NLRX1: variants seen among roughly 807,000 people sequenced by gnomAD.
NLRX1 encodes NLR family member X1.
In NLRX1, 67 loss-of-function variants were observed where a neutral mutation model predicts 74.2. That is an observed-to-expected ratio of 0.90 (90% confidence interval 0.74 to 1.11). NLRX1 has a LOEUF of 1.11. Ranked by LOEUF, NLRX1 falls within the 50% of genes least tolerant of loss-of-function variation. The pLI is 0.00. For synonymous variants in NLRX1, 506 were observed against 559.1 expected, an observed-to-expected ratio of 0.91 and a Z score of 1.34; for missense variants, 1,191 against 1,305.4, an observed-to-expected ratio of 0.91 and a Z score of 1.35.
Position 119,173,513 on chromosome 11 carries a change from G to A in NLRX1, c.264G>A (p.Glu88=), listed in dbSNP as rs780900893. 1 of 1,614,062 alleles carries A rather than the reference G, an allele frequency of 6.2e-7. No homozygotes were observed. The highest frequency in any genetic ancestry group is 8.5e-7 in the Non-Finnish European group (1 of 1,180,020). ...AGCGGCACCGCCGGAACCTGGCTGAGTGGTTCAGCCGGCTGCCCAGGGAGG... is the reference window on the plus strand; with the variant it reads ...AGCGGCACCGCCGGAACCTGGCTGAATGGTTCAGCCGGCTGCCCAGGGAGG... ...AIQRHRRNLA[E]WFSRLPREER... Residue 88 remains glutamate (E), a synonymous_variant, in exon 5 of 10, where the codon GAG becomes GAA. Transcript: ENST00000409109. This position sits in a 1 kb window ranked among gnomAD's most constrained non-coding sequence, Gnocchi z 4.0.
intron 6 of NLRX1, among the ~76,000 whole-genome samples, chr11:119,177,236 C>A (rs1423513946): frequency 6.6e-6 from 1 of 151,862 alleles, no homozygotes; most frequent in Non-Finnish European, 1.5e-5. Context: ...CACCTGCCAC[C>A]ATGCCCGGCT....
chr11:119,182,390 C>G, intron 9 of NLRX1, 45 bp downstream of exon 9: 1 of 1,585,442 alleles, frequency 6.3e-7, no homozygotes, highest in Non-Finnish European at 8.6e-7. Context: ...CTTCAGACTA[C>G]TTCCCTCTCT....
chr11:119,171,478 G>A lies in NLRX1; in HGVS notation c.70+5G>A. On this transcript the variant is annotated splice_donor_5th_base_variant and intron_variant, in intron 2 of 9. Coordinates refer to ENST00000409109, the MANE Select transcript of NLRX1 (RefSeq NM_001282144.2). ...GAAGAGCACTCCAGCGACCAGGTGA[G>A]CAGGAAGCAGGGGTTTCTGTTTTTA... is the stretch of plus-strand genomic sequence containing the variant. The A allele has an allele frequency of 6.2e-7, 1 of 1,605,736 alleles. No individual in the cohort carries two copies. The highest frequency in any genetic ancestry group is 8.5e-7 in the Non-Finnish European group (1 of 1,172,462).
chr11:119,174,718 C>A lies in NLRX1; in HGVS notation c.1115C>A (p.Ser372Tyr), dbSNP rs1948650702. The A allele has an allele frequency of 1.9e-6, 3 of 1,613,958 alleles. 1 individual carries two copies. Residue 372 changes from serine (S) to tyrosine (Y), a missense_variant, in exon 6 of 10, where the codon TCC becomes TAC. By Grantham distance (144) the Ser-to-Tyr change is moderately radical. Transcript: ENST00000409109. ...ATAGCCGCTGCCTGCTTCCTGCCGT[C>A]CTATTGCTGGCTCGTTTGTGCCACC... ...HQIAAACFLP[S>Y]YCWLVCATLH...
At chr11:119,181,738 T>G (rs1948840962) in intron 8 of NLRX1, among the ~76,000 whole-genome samples, 1 of 149,882 alleles carries the variant, frequency 6.7e-6, no homozygotes, top group African/African-American at 2.5e-5. Context: ...GATAGGGGAG[T>G]CAGAGGGGAG....
In NLRX1 at chr11:119,183,165, A is replaced by T. The variant is rs753084586; in HGVS notation, c.2654A>T (p.Asp885Val). The T allele has an allele frequency of 5.6e-6, 9 of 1,614,040 alleles. No individual in the cohort carries two copies. Among genetic ancestry groups the T allele is most frequent in the Middle Eastern group, 1.6e-4 (1 of 6,062 alleles). Residue 885 changes from aspartate (D) to valine (V), a missense_variant, in exon 10 of 10, where the codon GAC (aspartate) becomes GTC (valine). Coordinates refer to ENST00000409109, the MANE Select transcript of NLRX1 (RefSeq NM_001282144.2). This position sits in a 1 kb window ranked among gnomAD's most constrained non-coding sequence, Gnocchi z 5.7. ...TCAGAGGGCCGCCAGGTCTTGCGAG[A>T]CTTGGGGGGTGCTGCTGAAGGTGGT... ...LSSEGRQVLR[D>V]LGGAAEGGAR...
rs755986893 is a variant in NLRX1 at position 119,179,795 on chromosome 11, G to A, written c.1774G>A (p.Asp592Asn). Residue 592 changes from aspartate (D) to asparagine (N), a missense_variant, in exon 7 of 10, where the codon GAT (aspartate) becomes AAT (asparagine). Asp to Asn is a conservative substitution (Grantham distance 23, BLOSUM62 1). Transcript: ENST00000409109. ...MFREEDYYND[D>N]VLDQMGASIL... ...TCGAGAGGAGGACTACTACAACGAT[G>A]ATGTTCTGGACCAGATGGGCGCCAG... 1.9e-6 allele frequency: 3 copies of A among 1,614,220 alleles called. No individual in the cohort carries two copies. Among genetic ancestry groups the A allele is most frequent in the South Asian group, 1.1e-5 (1 of 91,074 alleles).
rs1377423206 is a variant in NLRX1 at position 119,169,203 on chromosome 11, G to C, written c.-148G>C. 1 of 152,630 alleles carries C rather than the reference G, an allele frequency of 6.6e-6. No individual in the cohort carries two copies. Among genetic ancestry groups the C allele is most frequent in the Non-Finnish European group, 1.5e-5 (1 of 68,378 alleles). The allele number at this position is 152,630 out of a possible 1,614,324, so 9.5% of individuals were successfully genotyped here. A position where few individuals can be genotyped will look rare whatever the true frequency, so the allele number is the denominator to read the frequency against. ...TGGGCGCTGAATGGCGGGCGTTCTG[G>C]CAAGTCTCCCCCTGCGTTCCCGAGG... On this transcript the variant is annotated 5_prime_UTR_variant, in exon 1 of 10. Transcript: ENST00000409109.
rs1948584516 is a variant in NLRX1, at chr11:119,172,771, G to A, written c.141-130G>A. The A allele has an allele frequency of 5.6e-6, 4 of 709,356 alleles. No individual in the cohort carries two copies. In the East Asian group the frequency reaches 7.9e-5, roughly 14 times the overall value. The allele number at this position is 709,356 out of a possible 1,614,324, so 43.9% of individuals were successfully genotyped here. ...GAGAGTCAGACAAGCCTCTAAACTT[G>A]GGGGTCCAGTGTGGGGCCTTTATCT... On this transcript the variant is annotated intron_variant, in intron 3 of 9. Transcript: ENST00000409109.
In NLRX1 at chr11:119,180,151, A is replaced by C. The variant is rs74950586; in HGVS notation, c.2130A>C (p.Pro710=). The C allele has an allele frequency of 2.1e-3, 3,345 of 1,613,332 alleles. 49 individuals are homozygous for C. In the African/African-American group the frequency reaches 0.033, roughly 16 times the overall value. ...ACCTGGCAGGTGTGCGCATGACACC[A>C]GTCAAGTGCACAGTGGTGGCAGCTG... is the stretch of plus-strand genomic sequence containing the variant. ...QLNLAGVRMT[P]VKCTVVAAVL... is the part of the protein sequence containing the mutation. The change falls in exon 7 of 10, where the codon CCA becomes CCC. Residue 710 remains proline, a synonymous_variant. Coordinates refer to ENST00000409109, the MANE Select transcript of NLRX1 (RefSeq NM_001282144.2).
At chr11:119,169,618 G>A (rs1948492363) in intron 1 of NLRX1, among the ~76,000 whole-genome samples, 2 of 152,224 alleles carry the variant, frequency 1.3e-5, no homozygotes. Flanking sequence ...GTGCCAAATA[G>A]GGGCACATTC....
At chr11:119,177,136 C>T (rs1592330114) in intron 6 of NLRX1, among the ~76,000 whole-genome samples, 1 of 151,986 alleles carries the variant, frequency 6.6e-6, no homozygotes, top group South Asian at 2.1e-4. Context: ...GGCTGGAGTG[C>T]AGTGGCACCG....
At position 119,173,994 on chromosome 11, in the gene NLRX1, C is replaced by T; in HGVS notation, c.745C>T (p.Leu249Phe). 6.2e-7 allele frequency: 1 copy of T among 1,614,168 alleles called. No individual in the cohort carries two copies. Among genetic ancestry groups the T allele is most frequent in the Non-Finnish European group, 8.5e-7 (1 of 1,180,034 alleles). The change falls in exon 5 of 10, where the codon CTC (leucine) becomes TTC (phenylalanine). Residue 249 changes from leucine to phenylalanine, a missense_variant. Physicochemically the swap from Leu to Phe is conservative, Grantham distance 22 (BLOSUM62 0). Transcript: ENST00000409109. The surrounding 1 kb of genome is among the most constrained non-coding windows in gnomAD (Gnocchi z 4.0). ...FVLHGLEHLN[L>F]DFRLAGTGLC... ...GCTCCATGGCTTAGAGCATCTCAAC[C>T]TCGACTTCCGGCTGGCAGGCACGGG...
At chr11:119,177,862 C>T (rs918567141) in intron 6 of NLRX1, 2 of 152,196 alleles carry the variant, frequency 1.3e-5, no homozygotes, top group Admixed American at 6.5e-5. Context: ...CCCAAGCCCT[C>T]TTGGAGGGAG....
At chr11:119,176,857 A>C (rs1376835389) in intron 6 of NLRX1, among the ~76,000 whole-genome samples, 3 of 152,162 alleles carry the variant, frequency 2.0e-5, no homozygotes, top group Admixed American at 6.5e-5. Context: ...GCACCAAAGC[A>C]TAAGGGCTAA....
chr11:119,168,337 C>G (rs1948453834), upstream of NLRX1: 1 of 152,288 alleles, frequency 6.6e-6, no homozygotes, highest in African/African-American at 2.4e-5. Flanking sequence ...ATTCTTCCTT[C>G]TTTCTTAACC....
Position 119,182,240 on chromosome 11 carries a change from A to G in NLRX1, c.2501A>G (p.Asn834Ser). The G allele has an allele frequency of 1.9e-6, 3 of 1,613,856 alleles. No individual in the cohort carries two copies. Among genetic ancestry groups the G allele is most frequent in the East Asian group, 2.2e-5 (1 of 44,882 alleles). Residue 834 changes from asparagine (N) to serine (S), a missense_variant, in exon 9 of 10, where the codon AAC becomes AGC. Asn to Ser is a conservative substitution (Grantham distance 46). Coordinates refer to ENST00000409109, the MANE Select transcript of NLRX1 (RefSeq NM_001282144.2). ...LELLAAQLDR[N>S]RQLQELNVAY... ...CTGCTGGCTGCCCAGCTGGACCGCA[A>G]CCGGCAGCTGCAGGAGCTGAACGTG...
chr11:119,182,889 AAAAAACAAAAAC>A (rs578006710), intron 9 of NLRX1, among the ~76,000 whole-genome samples: 132 of 151,660 alleles, frequency 8.7e-4, no homozygotes, highest in African/African-American at 2.5e-3. Context: ...TCCATCTCAA[AAAAAACAAAAAC>A]AAAAACAAAA....
rs1329183550 is a variant in NLRX1 at position 119,173,396 on chromosome 11, T to C, written c.230-83T>C. The C allele has an allele frequency of 1.4e-6, 2 of 1,450,028 alleles. No individual in the cohort carries two copies. The highest frequency in any genetic ancestry group is 2.8e-5 in the African/African-American group (2 of 71,814). 89.8% of individuals were successfully genotyped at this position (1,450,028 alleles called of 1,614,324 possible). A position where few individuals can be genotyped will look rare whatever the true frequency, so the allele number is the denominator to read the frequency against. ...GCATCTATGCCGTGATGTCCCAGCCTGACCTCACCACCGCCCTGATTGGCC... is the reference window on the plus strand; with the variant it reads ...GCATCTATGCCGTGATGTCCCAGCCCGACCTCACCACCGCCCTGATTGGCC... On this transcript the variant is annotated intron_variant, in intron 4 of 9. Transcript: ENST00000409109. The surrounding 1 kb of genome is among the most constrained non-coding windows in gnomAD (Gnocchi z 4.0).
Sources: gnomAD v4.1 joint callset for allele counts (sites outside exome capture counted in the v4.1 genomes callset) on GRCh38, gnomAD v4.1.1 for gene constraint, Gnocchi (gnomAD v3.1) non-coding constraint, MANE v1.5 for transcripts, NCBI Gene and HGNC (gene_info 2026-07-23, HGNC 2026-07-21) for gene names.